The following SLC25A48 variants were observed in gnomAD, a reference collection of about 807,000 sequenced individuals.
SLC25A48 encodes the protein solute carrier family 25 member 48, also known as CTC-321K16.1.
SLC25A48 carries 29 observed loss-of-function variants against 32.2 expected under a neutral mutation model. That is an observed-to-expected ratio of 0.90 (90% CI 0.67 to 1.23). SLC25A48 has a LOEUF of 1.23. Among genes scored for constraint, SLC25A48 ranks in the 50% most tolerant of loss-of-function variants. The probability of loss-of-function intolerance (pLI) is 0.00; values close to 1 mark genes in which losing one functional copy is unlikely to be tolerated. For missense variants in SLC25A48, 399 were observed against 422.7 expected (o/e 0.94, Z 0.49); for synonymous variants, 164 against 172.3 (o/e 0.95, Z 0.38).
intron 3 of SLC25A48, among the ~76,000 whole-genome samples, chr5:135,675,565 C>A (rs898811270): frequency 6.6e-6 from 1 of 152,008 alleles, no homozygotes; most frequent in African/African-American, 2.4e-5. Context: ...GTCTACATGT[C>A]TGTTTTTATA....
rs559081960 is a variant in SLC25A48 at position 135,740,814 on chromosome 5, T to C, written c.-520-71709T>C. On this transcript the variant is annotated intron_variant, in intron 3 of 10. Transcript: ENST00000646290. ...TGCTCAGCTGGAATTGTCTAAGAAC[T>C]CATTCTTGGCATTCACTGCAAGCTG... is the stretch of plus-strand genomic sequence containing the variant. 2.0e-5 allele frequency among the ~76,000 whole-genome samples: 3 copies of C among 152,312 alleles called. No individual in the cohort carries two copies. In the South Asian group the frequency reaches 6.2e-4, roughly 32 times the overall value.
In SLC25A48 at chr5:135,678,613, C is replaced by T. The variant is rs142077964; in HGVS notation, c.-521+43657C>T. ...TCCTTTTTTTCATGTTGCCTGTGTC[C>T]TTACATTGATATCTGCACATCTGGT... On this transcript the variant is annotated intron_variant, in intron 3 of 10. Coordinates refer to the SLC25A48 transcript ENST00000646290. Among the ~76,000 whole-genome samples the T allele has an allele frequency of 1.5e-4, 23 of 152,086 alleles. No individual in the cohort carries two copies. The East Asian group carries it at 4.3e-3, about 28-fold the overall frequency.
chr5:135,733,602 C>G (rs1755284308), intron 3 of SLC25A48, among the ~76,000 whole-genome samples: 1 of 152,192 alleles, frequency 6.6e-6, no homozygotes, highest in African/African-American at 2.4e-5. Context: ...AAGGCAGCGG[C>G]AGCCGCCACA....
Position 135,598,019 on chromosome 5 carries a change from C to T in SLC25A48, c.-849+18422C>T, listed in dbSNP as rs113334715. On this transcript the variant is annotated intron_variant, in intron 1 of 10. Transcript: ENST00000646290. ...ACTCTGTCTTAAAAAAAAAATCAAA[C>T]CAAAAAACAAACAAACAAACAAACA... 2.4e-4 allele frequency among the ~76,000 whole-genome samples: 17 copies of T among 71,458 alleles called. No individual in the cohort carries two copies. The South Asian group carries it at 3.5e-3, about 15-fold the overall frequency. 46.9% of individuals were successfully genotyped at this position (71,458 alleles called of 152,430 possible). A position where few individuals can be genotyped will look rare whatever the true frequency, so the allele number is the denominator to read the frequency against.
chr5:135,722,057 ATGT>A (rs954575093), intron 3 of SLC25A48, among the ~76,000 whole-genome samples: 1 of 152,212 alleles, frequency 6.6e-6, no homozygotes, highest in African/African-American at 2.4e-5. Context: ...TCTGGACTCC[ATGT>A]TGTTGTGAAA....
chr5:135,753,160 C>T (rs1297242021), intron 3 of SLC25A48, among the ~76,000 whole-genome samples: 1 of 151,968 alleles, frequency 6.6e-6, no homozygotes, highest in Non-Finnish European at 1.5e-5. Context: ...TATACTCCTT[C>T]TGTGATATTA....
chr5:135,846,337 G>C (rs10061053), intron 2 of SLC25A48, among the ~76,000 whole-genome samples: 5,181 of 152,256 alleles, frequency 0.034, 275 homozygotes, highest in African/African-American at 0.12. Context: ...TTGGGAGGGG[G>C]TGTCTGCCTC....
At chr5:135,640,348 A>G (rs1032150317) in intron 3 of SLC25A48, among the ~76,000 whole-genome samples, 7 of 152,230 alleles carry the variant, frequency 4.6e-5, no homozygotes, top group African/African-American at 1.4e-4. Flanking sequence ...GCAGAAAAAT[A>G]CTTTAAGAAA....
chr5:135,587,910 G>A (rs955764192), intron 1 of SLC25A48, among the ~76,000 whole-genome samples: 1 of 152,322 alleles, frequency 6.6e-6, no homozygotes, highest in Middle Eastern at 3.4e-3. Flanking sequence ...TGTGAAACTT[G>A]TGCTGAAGGG....
intron 6 of SLC25A48, chr5:135,876,125 C>CTTTTTT: frequency 1.3e-5 from 1 of 74,756 alleles, no homozygotes; most frequent in Non-Finnish European, 2.3e-5. Flanking sequence ...TCTTTTTTTT[C>CTTTTTT]TTCTTCTTTT....
At chr5:135,775,468 C>T (rs1756530278) in intron 3 of SLC25A48, among the ~76,000 whole-genome samples, 1 of 151,562 alleles carries the variant, frequency 6.6e-6, no homozygotes, top group South Asian at 2.1e-4. Context: ...AGAGGATGTA[C>T]ACCCCCCTGT....
chr5:135,654,371 G>T (rs1479058937), intron 3 of SLC25A48, among the ~76,000 whole-genome samples: 1 of 152,196 alleles, frequency 6.6e-6, no homozygotes, highest in African/African-American at 2.4e-5. Context: ...GGGACATAGG[G>T]TTTGTATCAG....
At chr5:135,744,132 A>C (rs904862128) in intron 3 of SLC25A48, among the ~76,000 whole-genome samples, 4 of 152,178 alleles carry the variant, frequency 2.6e-5, no homozygotes, top group Non-Finnish European at 4.4e-5. Context: ...ACAGGAATTT[A>C]ACTAACTGCC....
intron 3 of SLC25A48, among the ~76,000 whole-genome samples, chr5:135,686,931 G>A (rs527837556): frequency 3.6e-4 from 54 of 151,966 alleles, no homozygotes; most frequent in Non-Finnish European, 6.8e-4. Context: ...TAACTTCAAA[G>A]AAAGGGAAAG....
At chr5:135,719,300 A>G (rs766134305) in intron 3 of SLC25A48, among the ~76,000 whole-genome samples, 2 of 152,202 alleles carry the variant, frequency 1.3e-5, no homozygotes, top group Non-Finnish European at 2.9e-5. Flanking sequence ...CATTCAGTCA[A>G]ATTGACTTGA....
intron 1 of SLC25A48, among the ~76,000 whole-genome samples, chr5:135,597,385 C>T (rs1209668586): frequency 6.6e-6 from 1 of 152,174 alleles, no homozygotes; most frequent in Non-Finnish European, 1.5e-5. Context: ...CAGGTTAGGG[C>T]TACCTGCCTC....
At chr5:135,814,062 T>TC (rs1177112614) in intron 4 of SLC25A48, among the ~76,000 whole-genome samples, 1 of 152,050 alleles carries the variant, frequency 6.6e-6, no homozygotes, top group Non-Finnish European at 1.5e-5. Context: ...GGGGATATTT[T>TC]CCCCCCATCA....
chr5:135,638,229 AAAG>A (rs1345587930), intron 3 of SLC25A48, among the ~76,000 whole-genome samples: 1 of 152,264 alleles, frequency 6.6e-6, no homozygotes, highest in Non-Finnish European at 1.5e-5. Context: ...TAAAACAAAA[AAAG>A]AGTAGATGTA....
At chr5:135,713,279 A>G (rs567014332) in intron 3 of SLC25A48, among the ~76,000 whole-genome samples, 1 of 152,354 alleles carries the variant, frequency 6.6e-6, no homozygotes, top group South Asian at 2.1e-4. Flanking sequence ...TTTCAGCAGT[A>G]TAATGGCTTT....
Sources: allele counts gnomAD v4.1 joint callset (sites outside exome capture counted in the v4.1 genomes callset), GRCh38; gene constraint gnomAD v4.1.1; transcripts MANE v1.5; gene names NCBI Gene and HGNC (gene_info 2026-07-23, HGNC 2026-07-21).